The following TTC6 variants were observed in gnomAD, a reference collection of about 807,000 sequenced individuals.
The protein encoded by TTC6 is tetratricopeptide repeat protein 6.
In TTC6, 172 loss-of-function variants were observed where a neutral mutation model predicts 210.4. The observed-to-expected ratio is 0.82, with a 90% CI of 0.72 to 0.93. The LOEUF is 0.93. Ranked by LOEUF, TTC6 falls within the 40% of genes least tolerant of loss-of-function variation. The pLI, the probability that TTC6 is intolerant of heterozygous loss-of-function variation, is 0.00. For missense variants in TTC6, 2,414 were observed against 2,318.1 expected, an observed-to-expected ratio of 1.04 and a Z score of -0.85; for synonymous variants, 804 against 819.6, an observed-to-expected ratio of 0.98 and a Z score of 0.32.
intron 2 of TTC6, among the ~76,000 whole-genome samples, chr14:37,610,645 G>T (rs534016958): frequency 1.7e-4 from 26 of 152,316 alleles, no homozygotes; most frequent in African/African-American, 6.3e-4. Context: ...TTAAAAAGCA[G>T]AATGTTAACT....
chr14:37,809,803 C>T (rs1951642), intron 24 of TTC6, among the ~76,000 whole-genome samples: 47,816 of 152,048 alleles, frequency 0.31, 8,447 homozygotes, highest in South Asian at 0.45. Context: ...CTCTTCTCTC[C>T]TGTCGGTTTG....
chr14:37,779,174 A>G (rs909944480), intron 14 of TTC6, among the ~76,000 whole-genome samples: 1 of 152,128 alleles, frequency 6.6e-6, no homozygotes. Flanking sequence ...GGAGCCAGAA[A>G]TGGGTCCCAG....
At chr14:37,750,646 G>T (rs773642343) in intron 12 of TTC6, among the ~76,000 whole-genome samples, 1 of 152,184 alleles carries the variant, frequency 6.6e-6, no homozygotes, top group Non-Finnish European at 1.5e-5. Flanking sequence ...CAGCACTTTG[G>T]GAGGCTGAGG....
chr14:37,691,378 A>C (rs1358393413), intron 3 of TTC6, among the ~76,000 whole-genome samples: 2 of 152,188 alleles, frequency 1.3e-5, no homozygotes, highest in Non-Finnish European at 2.9e-5. Flanking sequence ...TAAAACTAGA[A>C]ATCAGTAACA....
At chr14:37,736,847 C>T (rs543928779) in intron 8 of TTC6, among the ~76,000 whole-genome samples, 150 of 152,182 alleles carry the variant, frequency 9.9e-4, no homozygotes, top group Non-Finnish European at 1.6e-3. Context: ...CTGGACCTCC[C>T]GGGCTCAAGT....
exon 1 of TTC6, chr14:37,622,283 G>C (rs1449686308): frequency 6.5e-7 from 1 of 1,535,034 alleles, no homozygotes. Flanking sequence ...CCCGGACGTC[G>C]AGAAGATACC....
upstream of TTC6, among the ~76,000 whole-genome samples, chr14:37,617,468 T>C (rs1292627000): frequency 6.6e-6 from 1 of 152,222 alleles, no homozygotes; most frequent in Non-Finnish European, 1.5e-5. Flanking sequence ...CTCTATTTTC[T>C]ATATCCTTTT....
At chr14:37,605,442 A>T (rs567912620) in intron 1 of TTC6, among the ~76,000 whole-genome samples, 67 of 140,756 alleles carry the variant, frequency 4.8e-4, no homozygotes, top group African/African-American at 1.6e-3. Flanking sequence ...TTCAAAGCTT[A>T]TTAATTTTTC....
At chr14:37,651,413 ATATATATATATATTTTTTTTTTTTTTT>A (rs1235955838) in intron 1 of TTC6, among the ~76,000 whole-genome samples, 1,653 of 22,916 alleles carry the variant, frequency 0.072, 71 homozygotes, top group African/African-American at 0.23. Flanking sequence ...ATATATATAT[ATATATATATATATTTTTTTTTTTTTTT>A]TTTTTTTTTT....
chr14:37,746,843 A>G (rs751257650), intron 10 of TTC6, among the ~76,000 whole-genome samples: 7 of 152,118 alleles, frequency 4.6e-5, no homozygotes, highest in Admixed American at 6.6e-5. Context: ...GTATCTGACA[A>G]TTCCTCAGCC....
At chr14:37,795,957 G>A (rs1227587220) in intron 18 of TTC6, among the ~76,000 whole-genome samples, 2 of 152,046 alleles carry the variant, frequency 1.3e-5, no homozygotes, top group Non-Finnish European at 2.9e-5. Flanking sequence ...CCACATTTTA[G>A]CAATTTATGT....
intron 17 of TTC6, among the ~76,000 whole-genome samples, chr14:37,794,584 A>T (rs1342885270): frequency 1.3e-5 from 2 of 150,822 alleles, no homozygotes; most frequent in Non-Finnish European, 2.9e-5. Flanking sequence ...TTACATATTG[A>T]TGGTAAGCAG....
At chr14:37,715,571 C>T (rs1014117367) in intron 6 of TTC6, among the ~76,000 whole-genome samples, 2 of 150,272 alleles carry the variant, frequency 1.3e-5, no homozygotes, top group Non-Finnish European at 3.0e-5. Context: ...CACAGAGGGG[C>T]ATTATATTAA....
chr14:37,823,400 A>G (rs1293661714), intron 26 of TTC6, among the ~76,000 whole-genome samples: 1 of 152,204 alleles, frequency 6.6e-6, no homozygotes, highest in Non-Finnish European at 1.5e-5. Context: ...CAATAGTAGC[A>G]TATGTTTTTC....
intron 1 of TTC6, 132 bp downstream of exon 3, chr14:37,623,135 G>A (rs976561704): frequency 3.3e-6 from 2 of 615,276 alleles, no homozygotes; most frequent in African/African-American, 3.9e-5. Context: ...AAAACACTGG[G>A]GTGTTATTCA....
At position 37,742,720 on chromosome 14, in the gene TTC6, C is replaced by T. The variant is rs764740768; in HGVS notation, c.2363+3565C>T. Among the ~76,000 whole-genome samples the T allele has an allele frequency of 5.9e-5, 9 of 152,200 alleles. No individual in the cohort carries two copies. The South Asian group carries it at 6.2e-4, about 11-fold the overall frequency. ...GGCATGAACCACTGCGTCTGGCCATCAGGCCTATTTTGACTTTCATTTATC... is the reference window on the plus strand; with the variant it reads ...GGCATGAACCACTGCGTCTGGCCATTAGGCCTATTTTGACTTTCATTTATC... On this transcript the variant is annotated intron_variant, in intron 10 of 30. Transcript: ENST00000553443.
chr14:37,730,744 G>A (rs8022025), intron 7 of TTC6, among the ~76,000 whole-genome samples: 84,215 of 152,046 alleles, frequency 0.55, 24,085 homozygotes, highest in African/African-American at 0.7. Context: ...ATAAAATTCT[G>A]TTTTTCTAAT....
intron 10 of TTC6, among the ~76,000 whole-genome samples, chr14:37,740,094 G>C (rs1381864218): frequency 6.6e-6 from 1 of 151,618 alleles, no homozygotes; most frequent in Non-Finnish European, 1.5e-5. Context: ...AACCCAGGAG[G>C]TGGAGCTTGC....
chr14:37,610,715 T>A (rs187033456), intron 2 of TTC6, among the ~76,000 whole-genome samples: 2 of 152,324 alleles, frequency 1.3e-5, no homozygotes, highest in East Asian at 3.9e-4. Flanking sequence ...ACTCCCAAGA[T>A]GGCTACTCTC....
Sources: gnomAD v4.1 joint callset for allele counts (sites outside exome capture counted in the v4.1 genomes callset) on GRCh38, gnomAD v4.1.1 for gene constraint, MANE v1.5 for transcripts, NCBI Gene and HGNC (gene_info 2026-07-23, HGNC 2026-07-21) for gene names.